LRP5: variants seen among roughly 807,000 people sequenced by gnomAD.
The protein encoded by LRP5 is LDL receptor related protein 5, also known as low-density lipoprotein receptor-related protein 5.
Under a neutral mutation model 154.1 loss-of-function variants are expected in LRP5, and 62 were observed. That is an observed-to-expected ratio of 0.40 (90% confidence interval 0.33 to 0.50). The LOEUF (loss-of-function observed/expected upper bound fraction) is 0.50, where lower values mean the gene tolerates loss of function less well. Ranked by LOEUF, LRP5 falls within the 20% of genes least tolerant of loss-of-function variation. The pLI, the probability that LRP5 is intolerant of heterozygous loss-of-function variation, is 0.55. For synonymous variants in LRP5, 966 were observed against 1,011.5 expected (o/e 0.96, Z 0.85); for missense variants, 1,915 against 2,336.7 (o/e 0.82, Z 3.72).
chr11:68,367,076 C>T (rs1490219007), intron 5 of LRP5, among the ~76,000 whole-genome samples: 3 of 152,080 alleles, frequency 2.0e-5, no homozygotes, highest in Non-Finnish European at 4.4e-5. Flanking sequence ...GTCTTGGACA[C>T]CCGCTCCTCC....
the LRP5 span, among the ~76,000 whole-genome samples, chr11:68,302,431 T>C: frequency 6.6e-6 from 1 of 151,206 alleles, no homozygotes; most frequent in African/African-American, 2.4e-5. Flanking sequence ...GTTCCACCCA[T>C]GCTTGCGGGG....
At chr11:68,337,818 C>G (rs899376497) in intron 1 of LRP5, among the ~76,000 whole-genome samples, 4 of 151,962 alleles carry the variant, frequency 2.6e-5, no homozygotes, top group African/African-American at 9.7e-5. Context: ...ATAGTCAGCT[C>G]TTCCTCCTCT....
In LRP5 at chr11:68,353,677, G is replaced by A. The variant is rs1031945506; in HGVS notation, c.489-3973G>A. Among the ~76,000 whole-genome samples, 3 of 152,254 alleles carry A rather than the reference G, an allele frequency of 2.0e-5. No individual in the cohort carries two copies. The highest frequency in any genetic ancestry group is 4.4e-5 in the Non-Finnish European group (3 of 68,002). On this transcript the variant is annotated intron_variant, in intron 2 of 22. Coordinates refer to ENST00000294304, the MANE Select transcript of LRP5 (RefSeq NM_002335.4). This position sits in a 1 kb window ranked among gnomAD's most constrained non-coding sequence, Gnocchi z 4.5. Reference sequence around the variant, plus strand: ...TCCTCCCGGCCCTGCTAGAGCCCCCGTCATCTCCTGTGCCCTCCTGCAGTG... The same window carrying A: ...TCCTCCCGGCCCTGCTAGAGCCCCCATCATCTCCTGTGCCCTCCTGCAGTG...
the LRP5 span, among the ~76,000 whole-genome samples, chr11:68,302,270 C>A: frequency 6.7e-6 from 1 of 149,218 alleles, no homozygotes; most frequent in East Asian, 2.0e-4. Flanking sequence ...CACTTGAACC[C>A]AGAAGGCAGA....
At chr11:68,375,260 G>A (rs1026530324) in intron 5 of LRP5, among the ~76,000 whole-genome samples, 3 of 152,194 alleles carry the variant, frequency 2.0e-5, no homozygotes, top group African/African-American at 7.2e-5. Flanking sequence ...AGTGATAGAA[G>A]ACACGGCCCC....
At chr11:68,415,637 T>A (rs11228230) in intron 12 of LRP5, among the ~76,000 whole-genome samples, 1 of 59,490 alleles carries the variant, frequency 1.7e-5, no homozygotes, top group African/African-American at 4.2e-5. Flanking sequence ...CCCAGCTACT[T>A]GGGAGGCTGA....
Position 68,406,532 on chromosome 11 carries a change from C to A in LRP5, c.1810C>A (p.Pro604Thr). The A allele has an allele frequency of 6.2e-7, 1 of 1,614,130 alleles. No homozygotes were observed. The highest frequency in any genetic ancestry group is 8.5e-7 in the Non-Finnish European group (1 of 1,180,032). The change falls in exon 9 of 23, where the codon CCG becomes ACG. Residue 604 changes from proline to threonine, a missense_variant. Pro to Thr is a conservative substitution (Grantham distance 38). Around this residue, in one of 3 missense-constraint regions of LRP5, gnomAD observed 773 missense variants for 1,100.9 expected, o/e 0.70. Coordinates refer to ENST00000294304, the MANE Select transcript of LRP5 (RefSeq NM_002335.4). ...TCTGTGTTCGCTTCCAGGAACCAACCCGTGTGCGGACAGGAACGGGGGGTG... is the reference window on the plus strand; with the variant it reads ...TCTGTGTTCGCTTCCAGGAACCAACACGTGTGCGGACAGGAACGGGGGGTG... ...VNVAKVVGTN[P>T]CADRNGGCSH...
At position 68,423,486 on chromosome 11, in the gene LRP5, C is replaced by T. The variant is rs769213870; in HGVS notation, c.3028-3C>T. 2 of 1,613,922 alleles carry T rather than the reference C, an allele frequency of 1.2e-6. No individual in the cohort carries two copies. Among genetic ancestry groups the T allele is most frequent in the Non-Finnish European group, 1.7e-6 (2 of 1,179,778 alleles). On this transcript the variant is annotated splice_polypyrimidine_tract_variant and splice_region_variant and intron_variant, in intron 13 of 22. Transcript: ENST00000294304. The surrounding 1 kb of genome is among the most constrained non-coding windows in gnomAD (Gnocchi z 4.7). ...CAGGAGTCTTGGTTTCTTTGTCTTACAGCCCTTTGTTTTGACCTCTCTGAG... is the reference window on the plus strand; with the variant it reads ...CAGGAGTCTTGGTTTCTTTGTCTTATAGCCCTTTGTTTTGACCTCTCTGAG...
chr11:68,431,800 C>T lies in LRP5; in HGVS notation c.3764-1802C>T, dbSNP rs138430065. ...AACTGCCCTGGCCAAGAAACGGGGC[C>T]GTCAGAACGCTGCACTAACTGCAGC... On this transcript the variant is annotated intron_variant, in intron 17 of 22. Transcript: ENST00000294304. Among the ~76,000 whole-genome samples the T allele has an allele frequency of 1.2e-4, 19 of 152,310 alleles. No homozygotes were observed. The East Asian group carries it at 1.9e-3, about 15-fold the overall frequency.
intron 21 of LRP5, chr11:68,445,608 C>T (rs1436437395): frequency 1.5e-6 from 2 of 1,317,456 alleles, no homozygotes; most frequent in Non-Finnish European, 2.0e-6. Flanking sequence ...CCAGGATGGC[C>T]TTGGAGACCC....
At chr11:68,395,250 G>A (rs1419274035) in intron 7 of LRP5, among the ~76,000 whole-genome samples, 1 of 146,126 alleles carries the variant, frequency 6.8e-6, no homozygotes, top group South Asian at 2.1e-4. Context: ...GCAGTGAGCC[G>A]AGATCCCGCC....
intron 1 of LRP5, among the ~76,000 whole-genome samples, chr11:68,333,832 G>A (rs371461008): frequency 2.7e-4 from 41 of 152,320 alleles, no homozygotes; most frequent in African/African-American, 9.9e-4. Context: ...GACAGGAGAT[G>A]GAGATGGCAG....
In LRP5 at chr11:68,312,836, G is replaced by A. The variant is rs776122893; in HGVS notation, c.91+31G>A. 103 of 1,013,956 alleles carry A rather than the reference G, an allele frequency of 1.0e-4. No individual in the cohort carries two copies. In the Middle Eastern group the frequency reaches 1.4e-3, roughly 14 times the overall value. The allele number at this position is 1,013,956 out of a possible 1,614,324, so 62.8% of individuals were successfully genotyped here. On this transcript the variant is annotated intron_variant, in intron 1 of 22. Transcript: ENST00000294304. Reference sequence around the variant, plus strand: ...TGGGCGCAGGCCGGCCGGGGGCCGCGGGTTGCTCGGACAATGGCCCGGGCG... The same window carrying A: ...TGGGCGCAGGCCGGCCGGGGGCCGCAGGTTGCTCGGACAATGGCCCGGGCG...
At chr11:68,307,713 G>T (rs967408283), upstream of LRP5, among the ~76,000 whole-genome samples, 1 of 152,018 alleles carries the variant, frequency 6.6e-6, no homozygotes, top group African/African-American at 2.4e-5. Context: ...AGCTACTTGG[G>T]AGGCTGTGGT....
At chr11:68,445,579 G>A in intron 21 of LRP5, 1 of 1,315,030 alleles carries the variant, frequency 7.6e-7, no homozygotes, top group Non-Finnish European at 1.0e-6. Flanking sequence ...GCAGGGGCTC[G>A]GATCTGGCTG....
chr11:68,354,051 C>T (rs2098620997), intron 2 of LRP5, among the ~76,000 whole-genome samples: 1 of 152,210 alleles, frequency 6.6e-6, no homozygotes, highest in South Asian at 2.1e-4. Context: ...CCTGTACCAG[C>T]CTGACAAGGG....
intron 1 of LRP5, among the ~76,000 whole-genome samples, chr11:68,341,863 T>G (rs1260363225): frequency 1.3e-5 from 2 of 152,166 alleles, no homozygotes; most frequent in African/African-American, 4.8e-5. Context: ...GTGTCCTTAT[T>G]GGCTATGTGT....
At chr11:68,445,515 C>A in intron 21 of LRP5, 1 of 989,860 alleles carries the variant, frequency 1.0e-6, no homozygotes, top group Non-Finnish European at 1.4e-6. Flanking sequence ...CCCTAGGGGG[C>A]CTGAGAGAAC....
chr11:68,409,097 C>CAT (rs756524976), intron 9 of LRP5, among the ~76,000 whole-genome samples: 43,213 of 68,564 alleles, frequency 0.63, 14,440 homozygotes, highest in South Asian at 0.76. Context: ...TATATATATA[C>CAT]ACACACATAC....
Sources: allele counts gnomAD v4.1 joint callset (sites outside exome capture counted in the v4.1 genomes callset), GRCh38; gene constraint gnomAD v4.1.1; regional missense constraint gnomAD v4.1.1; non-coding constraint Gnocchi (gnomAD v3.1); transcripts MANE v1.5; gene names NCBI Gene and HGNC (gene_info 2026-07-23, HGNC 2026-07-21).